B3GALT1: variants seen among roughly 807,000 people sequenced by gnomAD.
The protein encoded by B3GALT1 is UDP-Gal:betaGlcNAc beta 1,3-galactosyltransferase, polypeptide 1.
A neutral mutation model predicts 23.2 loss-of-function variants in B3GALT1; 10 were observed. That is an observed-to-expected ratio of 0.43 (90% confidence interval 0.27 to 0.73). The LOEUF (loss-of-function observed/expected upper bound fraction) is 0.73. Ranked by LOEUF, B3GALT1 falls within the 30% of genes least tolerant of loss-of-function variation. The pLI, the probability that B3GALT1 is intolerant of heterozygous loss-of-function variation, is 0.21. For missense variants in B3GALT1, 299 were observed against 405.4 expected (o/e 0.74, Z 2.25); for synonymous variants, 156 against 141.5 (o/e 1.10, Z -0.73).
In B3GALT1 at chr2:167,873,899, A is replaced by C. The variant is rs1690394664; in HGVS notation, c.*3879A>C. On this transcript the variant is annotated 3_prime_UTR_variant, in exon 5 of 5. Transcript: ENST00000392690. ...AATGACAGACACTGAAGATATCATT[A>C]CACTTTCTTCACCTTCCTCTTGAAA... is the stretch of plus-strand genomic sequence containing the variant. 1 of 152,240 alleles carries C rather than the reference A, an allele frequency of 6.6e-6. No homozygotes were observed. The highest frequency in any genetic ancestry group is 6.5e-5 in the Admixed American group (1 of 15,280). The allele number at this position is 152,240 out of a possible 1,614,324, so 9.4% of individuals were successfully genotyped here.
chr2:167,816,159 C>G (rs1192179995), intron 3 of B3GALT1, among the ~76,000 whole-genome samples: 4 of 152,114 alleles, frequency 2.6e-5, no homozygotes, highest in Non-Finnish European at 5.9e-5. Context: ...GTCATTATCT[C>G]TTAGGATAAT....
chr2:167,561,120 C>T (rs2105388731), intron 2 of B3GALT1, among the ~76,000 whole-genome samples: 1 of 152,304 alleles, frequency 6.6e-6, no homozygotes, highest in African/African-American at 2.4e-5. Context: ...GACCACAGTG[C>T]TATCAAACTA....
chr2:167,496,584 G>T (rs1373298031), intron 2 of B3GALT1, among the ~76,000 whole-genome samples: 2 of 152,166 alleles, frequency 1.3e-5, no homozygotes, highest in Non-Finnish European at 2.9e-5. Context: ...GCCAGTCACT[G>T]TTCTAGGCCT....
At chr2:167,510,446 A>ACC (rs1263126643) in intron 2 of B3GALT1, among the ~76,000 whole-genome samples, 1 of 147,024 alleles carries the variant, frequency 6.8e-6, no homozygotes, top group East Asian at 2.0e-4. Context: ...GTTATCCTAG[A>ACC]CTAGACCAGA....
chr2:167,511,478 C>T (rs763969442), intron 2 of B3GALT1, among the ~76,000 whole-genome samples: 1 of 152,126 alleles, frequency 6.6e-6, no homozygotes, highest in Admixed American at 6.5e-5. Flanking sequence ...TGTAAGTTTC[C>T]TGAGGCCTCC....
chr2:167,749,766 A>G (rs949634782), intron 3 of B3GALT1, among the ~76,000 whole-genome samples: 2 of 152,230 alleles, frequency 1.3e-5, no homozygotes, highest in African/African-American at 4.8e-5. Flanking sequence ...TGCTAGTTTT[A>G]TAGCAAAAAG....
At chr2:167,559,981 G>A (rs563976277) in intron 2 of B3GALT1, among the ~76,000 whole-genome samples, 1 of 152,092 alleles carries the variant, frequency 6.6e-6, no homozygotes, top group Non-Finnish European at 1.5e-5. Flanking sequence ...CTCGAGAAGA[G>A]CAACTCCAAG....
intron 3 of B3GALT1, among the ~76,000 whole-genome samples, chr2:167,713,159 T>C (rs1469073043): frequency 6.6e-6 from 1 of 152,206 alleles, no homozygotes; most frequent in Non-Finnish European, 1.5e-5. Flanking sequence ...CGAACTCTTG[T>C]GCCCATTTCC....
chr2:167,406,866 C>T (rs1205454331), intron 1 of B3GALT1, among the ~76,000 whole-genome samples: 1 of 152,148 alleles, frequency 6.6e-6, no homozygotes, highest in Non-Finnish European at 1.5e-5. Context: ...CCCTTTGAGA[C>T]CTCCCCATTC....
chr2:167,771,341 G>A lies in B3GALT1; in HGVS notation c.-351-47331G>A, dbSNP rs189189129. Among the ~76,000 whole-genome samples, 7 of 152,288 alleles carry A rather than the reference G, an allele frequency of 4.6e-5. No homozygotes were observed. The East Asian group carries it at 9.6e-4, about 21-fold the overall frequency. ...GCAGTGGCTCACGCCTGTAATCCCA[G>A]CACTTTGGGAGGCCGAGGCGGGCAG... On this transcript the variant is annotated intron_variant, in intron 3 of 4. Transcript: ENST00000392690.
intron 3 of B3GALT1, among the ~76,000 whole-genome samples, chr2:167,758,718 A>G (rs1687856413): frequency 6.6e-6 from 1 of 151,648 alleles, no homozygotes; most frequent in East Asian, 1.9e-4. Flanking sequence ...TGTGTGCCTC[A>G]TATTTGAACT....
intron 1 of B3GALT1, among the ~76,000 whole-genome samples, chr2:167,482,630 C>T (rs924660753): frequency 6.6e-6 from 1 of 152,084 alleles, no homozygotes; most frequent in African/African-American, 2.4e-5. Flanking sequence ...AATATGCAAA[C>T]AAAACCAAGC....
intron 4 of B3GALT1, among the ~76,000 whole-genome samples, chr2:167,845,555 C>T (rs1289275551): frequency 6.6e-6 from 1 of 152,118 alleles, no homozygotes; most frequent in Non-Finnish European, 1.5e-5. Flanking sequence ...GCGGGGAGTA[C>T]TACATCAAGG....
At chr2:167,738,490 T>C (rs1309913259) in intron 3 of B3GALT1, among the ~76,000 whole-genome samples, 1 of 152,194 alleles carries the variant, frequency 6.6e-6, no homozygotes, top group African/African-American at 2.4e-5. Context: ...TTAGTTTTTA[T>C]CAAATGATAT....
chr2:167,524,935 T>TTA (rs1290249188), intron 2 of B3GALT1, among the ~76,000 whole-genome samples: 1 of 152,222 alleles, frequency 6.6e-6, no homozygotes, highest in African/African-American at 2.4e-5. Flanking sequence ...TAGACATGCT[T>TTA]TAGTCCATAA....
At chr2:167,777,683 G>A (rs1688183603) in intron 3 of B3GALT1, among the ~76,000 whole-genome samples, 1 of 152,134 alleles carries the variant, frequency 6.6e-6, no homozygotes, top group Non-Finnish European at 1.5e-5. Flanking sequence ...TCTTGCAAAG[G>A]AGTACATTGT....
At chr2:167,786,402 T>C (rs1428049391) in intron 3 of B3GALT1, among the ~76,000 whole-genome samples, 1 of 152,226 alleles carries the variant, frequency 6.6e-6, no homozygotes, top group Non-Finnish European at 1.5e-5. Flanking sequence ...TGGTAGCTAC[T>C]GTGTTCATTT....
intron 1 of B3GALT1, among the ~76,000 whole-genome samples, chr2:167,427,092 A>G (rs930177748): frequency 7.9e-5 from 12 of 152,218 alleles, no homozygotes; most frequent in African/African-American, 2.9e-4. Context: ...GAAAAGTACA[A>G]AGGGACACAC....
chr2:167,588,252 A>T (rs1203104209), intron 2 of B3GALT1, among the ~76,000 whole-genome samples: 2 of 152,212 alleles, frequency 1.3e-5, no homozygotes, highest in African/African-American at 2.4e-5. Flanking sequence ...GAGCTAAAAA[A>T]ACTATGATTA....
Sources: allele counts gnomAD v4.1 joint callset (sites outside exome capture counted in the v4.1 genomes callset), GRCh38; gene constraint gnomAD v4.1.1; transcripts MANE v1.5; gene names NCBI Gene and HGNC (gene_info 2026-07-23, HGNC 2026-07-21).